TENM3: variants seen among roughly 807,000 people sequenced by gnomAD.
TENM3 encodes the protein teneurin-3.
TENM3 carries 63 observed loss-of-function variants against 255.1 expected under a neutral mutation model. The observed-to-expected ratio is 0.25, with a 90% confidence interval of 0.20 to 0.30. TENM3 has a LOEUF of 0.30. TENM3 is among the 10% of genes least tolerant of loss of function. The probability of loss-of-function intolerance (pLI) is 1.00; values close to 1 mark genes in which losing one functional copy is unlikely to be tolerated. For missense variants in TENM3, 2,929 were observed against 3,461.1 expected (o/e 0.85, Z 3.86); for synonymous variants, 1,306 against 1,322.3 (o/e 0.99, Z 0.27).
chr4:182,215,149 TG>T (rs1755370028), intron 1 of TENM3, among the ~76,000 whole-genome samples: 1 of 152,186 alleles, frequency 6.6e-6, no homozygotes, highest in Non-Finnish European at 1.5e-5. Context: ...GCACTGTCAC[TG>T]GGGCAGCAGG....
intron 26 of TENM3, among the ~76,000 whole-genome samples, chr4:182,795,296 CT>C (rs1431267854): frequency 6.6e-6 from 1 of 152,186 alleles, no homozygotes; most frequent in East Asian, 1.9e-4. Flanking sequence ...TTACGGTCCT[CT>C]GATTTTCACT....
chr4:182,238,496 C>T (rs1335425015), upstream of TENM3, among the ~76,000 whole-genome samples: 3 of 152,152 alleles, frequency 2.0e-5, no homozygotes, highest in Admixed American at 6.5e-5. Flanking sequence ...CCTCATCACC[C>T]TCTGAAATTC....
the TENM3 span, among the ~76,000 whole-genome samples, chr4:181,767,068 A>C: frequency 0.34 from 37,634 of 110,414 alleles, 7,248 homozygotes; most frequent in East Asian, 0.48. Flanking sequence ...CTGGCTAACA[A>C]GGGGAAATCC....
chr4:182,501,578 C>T (rs73003018), intron 3 of TENM3, among the ~76,000 whole-genome samples: 71 of 152,072 alleles, frequency 4.7e-4, no homozygotes, highest in African/African-American at 1.6e-3. Flanking sequence ...GTACTGTCAC[C>T]CCATCCCATT....
chr4:182,327,236 C>G (rs957053), intron 2 of TENM3, among the ~76,000 whole-genome samples: 1 of 151,912 alleles, frequency 6.6e-6, no homozygotes, highest in Non-Finnish European at 1.5e-5. Context: ...TCATATAGGT[C>G]ATAAAAATGA....
chr4:181,561,434 C>T, the TENM3 span, among the ~76,000 whole-genome samples: 9 of 152,220 alleles, frequency 5.9e-5, no homozygotes, highest in East Asian at 1.5e-3. Context: ...TTCCTGATTA[C>T]AAAATATGGC....
chr4:182,620,594 T>C (rs907722012), intron 4 of TENM3, among the ~76,000 whole-genome samples: 3 of 152,210 alleles, frequency 2.0e-5, no homozygotes, highest in African/African-American at 7.2e-5. Flanking sequence ...AAGGAATCCG[T>C]CTACACAAAA....
the TENM3 span, among the ~76,000 whole-genome samples, chr4:182,025,244 G>T: frequency 6.6e-6 from 1 of 152,134 alleles, no homozygotes; most frequent in African/African-American, 2.4e-5. Flanking sequence ...TGGCCAAGAT[G>T]GTCTCGATCT....
chr4:182,453,859 T>A (rs1270987337), intron 3 of TENM3, among the ~76,000 whole-genome samples: 1 of 152,228 alleles, frequency 6.6e-6, no homozygotes, highest in Non-Finnish European at 1.5e-5. Context: ...TCATTTTACC[T>A]CCTGCTTCAA....
At chr4:182,137,527 G>A in the TENM3 span, among the ~76,000 whole-genome samples, 1 of 152,172 alleles carries the variant, frequency 6.6e-6, no homozygotes, top group African/African-American at 2.4e-5. Flanking sequence ...GCTGTCTTCT[G>A]TGATAACTTC....
At chr4:182,788,898 C>T (rs1765889627) in intron 24 of TENM3, among the ~76,000 whole-genome samples, 195 bp from the exon 25 acceptor site, 1 of 152,148 alleles carries the variant, frequency 6.6e-6, no homozygotes, top group South Asian at 2.1e-4. Flanking sequence ...TGAACAAATG[C>T]CAGGCTGTCT....
At chr4:182,202,557 G>A (rs527928931) in intron 1 of TENM3, among the ~76,000 whole-genome samples, 2 of 151,998 alleles carry the variant, frequency 1.3e-5, no homozygotes, top group East Asian at 1.9e-4. Context: ...CACCTGCCTC[G>A]GCCTCCCAAA....
the TENM3 span, among the ~76,000 whole-genome samples, chr4:182,099,114 G>A: frequency 2.1e-3 from 315 of 151,504 alleles, 2 homozygotes; most frequent in African/African-American, 2.4e-3. Flanking sequence ...GGTGTATGCC[G>A]CCACGCCCAG....
chr4:182,733,975 G>GTTCA (rs147669308), intron 16 of TENM3, among the ~76,000 whole-genome samples: 4 of 151,998 alleles, frequency 2.6e-5, no homozygotes, highest in African/African-American at 7.3e-5. Flanking sequence ...TTCTCCATTC[G>GTTCA]TTCATTCATT....
chr4:181,912,435 A>G, the TENM3 span, among the ~76,000 whole-genome samples: 1 of 152,336 alleles, frequency 6.6e-6, no homozygotes, highest in African/African-American at 2.4e-5. Context: ...GCGGGGATGA[A>G]AAGAACAAAA....
the TENM3 span, among the ~76,000 whole-genome samples, chr4:181,710,741 G>A: frequency 6.6e-6 from 1 of 151,808 alleles, no homozygotes; most frequent in African/African-American, 2.4e-5. Flanking sequence ...TGAGAACGGG[G>A]TCTCGCTATA....
chr4:182,574,439 T>G lies in TENM3; in HGVS notation c.512-26485T>G, dbSNP rs1163983501. 1.3e-5 allele frequency among the ~76,000 whole-genome samples: 2 copies of G among 152,144 alleles called. 1 individual carries two copies. Among genetic ancestry groups the G allele is most frequent in the African/African-American group, 4.8e-5 (2 of 41,450 alleles). ...TATTGCCATCTCTACTAAATTGTAT[T>G]TATGAAACTTTTCCTTTATTAGTTT... On this transcript the variant is annotated intron_variant, in intron 3 of 27. Transcript: ENST00000511685.
chr4:182,672,475 C>T (rs996269666), intron 6 of TENM3, among the ~76,000 whole-genome samples: 3 of 152,194 alleles, frequency 2.0e-5, no homozygotes, highest in African/African-American at 7.2e-5. Context: ...CTCTATCTCT[C>T]TGCCAACATC....
At chr4:181,618,300 A>AGCTGTGTCCGCTCTGCAGCACTTC in the TENM3 span, among the ~76,000 whole-genome samples, 19 of 152,290 alleles carry the variant, frequency 1.2e-4, no homozygotes, top group Non-Finnish European at 2.6e-4. Context: ...GCGAGCAATT[A>AGCTGTGTCCGCTCTGCAGCACTTC]GCTGTGTCCG....
Sources: allele counts gnomAD v4.1 joint callset (sites outside exome capture counted in the v4.1 genomes callset), GRCh38; gene constraint gnomAD v4.1.1; transcripts MANE v1.5; gene names NCBI Gene and HGNC (gene_info 2026-07-23, HGNC 2026-07-21).